Variants in MCM9 observed in about 807,000 individuals in gnomAD.
The protein encoded by MCM9 is DNA helicase MCM9.
A neutral mutation model predicts 72.8 loss-of-function variants in MCM9; 55 were observed. The observed-to-expected ratio is 0.76, with a 90% CI of 0.61 to 0.95. The LOEUF is 0.95. MCM9 is among the 40% of genes least tolerant of loss of function. MCM9 has a pLI of 0.00. For missense variants in MCM9, 1,279 were observed against 1,377.0 expected (o/e 0.93, Z 1.13); for synonymous variants, 480 against 503.4 (o/e 0.95, Z 0.62).
intron 1 of MCM9, among the ~76,000 whole-genome samples, chr6:118,933,367 G>T (rs139430514): frequency 3.9e-5 from 6 of 152,018 alleles, no homozygotes; most frequent in Non-Finnish European, 7.4e-5. Context: ...TTAGCTGGGC[G>T]TGGTGGCAGG....
intron 9 of MCM9, among the ~76,000 whole-genome samples, chr6:118,845,639 T>C (rs1482899271): frequency 6.6e-6 from 1 of 151,906 alleles, no homozygotes; most frequent in African/African-American, 2.4e-5. Context: ...CAATGTTTTG[T>C]AATAAAATAT....
chr6:118,907,533 A>T (rs1198443722), intron 8 of MCM9: 3 of 1,613,630 alleles, frequency 1.9e-6, no homozygotes, highest in African/African-American at 2.7e-5. Context: ...CAACAGATGC[A>T]TTACCTTCAG....
intron 9 of MCM9, among the ~76,000 whole-genome samples, chr6:118,831,873 G>A (rs993223929): frequency 1.3e-5 from 2 of 152,082 alleles, no homozygotes; most frequent in Admixed American, 6.5e-5. Flanking sequence ...GCAACCTGAA[G>A]GGTAGGTGCT....
At chr6:118,892,968 G>A (rs1779047067) in intron 8 of MCM9, among the ~76,000 whole-genome samples, 1 of 152,136 alleles carries the variant, frequency 6.6e-6, no homozygotes, top group East Asian at 1.9e-4. Flanking sequence ...ACTATACTAA[G>A]AGAAAACTCT....
At chr6:118,907,550 A>G (rs1780260446) in intron 8 of MCM9, 2 of 1,613,662 alleles carry the variant, frequency 1.2e-6, no homozygotes, top group South Asian at 2.2e-5. Context: ...TCAGCATCAA[A>G]GGGATGGTCC....
chr6:118,863,770 A>G (rs1262910795), intron 8 of MCM9, among the ~76,000 whole-genome samples: 3 of 151,450 alleles, frequency 2.0e-5, no homozygotes, highest in Non-Finnish European at 4.4e-5. Context: ...AGAACTCTGC[A>G]GAGAGTCCTC....
intron 8 of MCM9, among the ~76,000 whole-genome samples, chr6:118,883,705 A>AG (rs908589057): frequency 9.2e-5 from 14 of 152,112 alleles, no homozygotes; most frequent in African/African-American, 2.9e-4. Context: ...AAGAAAAAAA[A>AG]AAATCGAACC....
intron 11 of MCM9, among the ~76,000 whole-genome samples, chr6:118,827,273 C>T (rs1384562728): frequency 6.6e-6 from 1 of 152,162 alleles, no homozygotes; most frequent in Admixed American, 6.5e-5. Context: ...ATTCTAAATT[C>T]TGAGTATTTC....
chr6:118,921,201 A>T (rs1781397985), intron 5 of MCM9: 1 of 152,186 alleles, frequency 6.6e-6, no homozygotes, highest in Non-Finnish European at 1.5e-5. Context: ...GCTGTGCTTG[A>T]TTGTCTATGA....
At chr6:118,819,659 C>T (rs1177459018) in intron 13 of MCM9, among the ~76,000 whole-genome samples, 1 of 152,164 alleles carries the variant, frequency 6.6e-6, no homozygotes, top group East Asian at 1.9e-4. Context: ...GGGAGTCCCT[C>T]TTTTTCTATT....
chr6:118,861,583 G>A (rs967193508), intron 8 of MCM9, among the ~76,000 whole-genome samples: 3 of 152,206 alleles, frequency 2.0e-5, no homozygotes, highest in African/African-American at 7.2e-5. Context: ...CCGCAGGCAG[G>A]TTGTACTGAC....
At chr6:118,917,052 T>C (rs1015516520) in intron 6 of MCM9, among the ~76,000 whole-genome samples, 47 of 152,358 alleles carry the variant, frequency 3.1e-4, no homozygotes, top group African/African-American at 1.1e-3. Context: ...TTTTATTCTA[T>C]GTAATTACAC....
chr6:118,853,187 C>A (rs1562411118), intron 9 of MCM9, among the ~76,000 whole-genome samples: 1 of 152,192 alleles, frequency 6.6e-6, no homozygotes, highest in East Asian at 1.9e-4. Flanking sequence ...AAAAACTATC[C>A]TTTCTCTGTT....
At chr6:118,830,850 A>G (rs947375259) in intron 9 of MCM9, among the ~76,000 whole-genome samples, 3 of 152,234 alleles carry the variant, frequency 2.0e-5, no homozygotes, top group African/African-American at 7.2e-5. Context: ...TCTGCTGCCA[A>G]TTAGTTTACA....
chr6:118,818,303 G>T (rs71338870), intron 13 of MCM9, among the ~76,000 whole-genome samples: 1 of 152,278 alleles, frequency 6.6e-6, no homozygotes, highest in East Asian at 1.9e-4. Context: ...GTTAATTTTT[G>T]TATAAGGTGT....
At chr6:118,818,471 C>G (rs1225260708) in intron 13 of MCM9, among the ~76,000 whole-genome samples, 1 of 152,094 alleles carries the variant, frequency 6.6e-6, no homozygotes, top group African/African-American at 2.4e-5. Context: ...GGCCTCTGTT[C>G]TGTTTCATTG....
rs141138407 is a variant in MCM9 at position 118,827,791 on chromosome 6, G to A, written c.1732+136C>T. 5.6e-4 allele frequency: 425 copies of A among 759,992 alleles called. No individual in the cohort carries two copies. In the East Asian group the frequency reaches 0.011, roughly 20 times the overall value. 47.1% of individuals were successfully genotyped at this position (759,992 alleles called of 1,614,324 possible). Reference sequence around the variant, plus strand: ...AGGAGCAGAGATCTTCTGGCTCAGAGCCTTTATTTTTAAGTGACTATGAGC... The same window carrying A: ...AGGAGCAGAGATCTTCTGGCTCAGAACCTTTATTTTTAAGTGACTATGAGC... On this transcript the variant is annotated intron_variant, in intron 11 of 13. Transcript: ENST00000619706.
rs149612821 is a variant in MCM9 at position 118,839,451 on chromosome 6, C to T, written c.1326-10201G>A. Among the ~76,000 whole-genome samples the T allele has an allele frequency of 2.6e-5, 4 of 152,166 alleles. No individual in the cohort carries two copies. In the East Asian group the frequency reaches 7.7e-4, roughly 29 times the overall value. Reference sequence around the variant, plus strand: ...TCAATTTATCAAACTCATTCTCCATCCAGTTTTGTTCCCTTGCTGGTGAGG... The same window carrying T: ...TCAATTTATCAAACTCATTCTCCATTCAGTTTTGTTCCCTTGCTGGTGAGG... On this transcript the variant is annotated intron_variant, in intron 9 of 13. Coordinates refer to ENST00000619706, the MANE Select transcript of MCM9 (RefSeq NM_017696.3).
chr6:118,898,312 A>G (rs931171191), intron 8 of MCM9, among the ~76,000 whole-genome samples: 4 of 152,174 alleles, frequency 2.6e-5, no homozygotes, highest in Admixed American at 1.3e-4. Flanking sequence ...AATTATGGCT[A>G]TGTTCCTATG....
Sources: gnomAD v4.1 joint callset for allele counts (sites outside exome capture counted in the v4.1 genomes callset) on GRCh38, gnomAD v4.1.1 for gene constraint, MANE v1.5 for transcripts, NCBI Gene and HGNC (gene_info 2026-07-23, HGNC 2026-07-21) for gene names.